Variants in FRMD4A observed in about 807,000 individuals in gnomAD.
FRMD4A encodes the protein FERM domain containing 4A, also known as FERM domain-containing protein 4A.
A neutral mutation model predicts 129.1 loss-of-function variants in FRMD4A; 29 were observed. The ratio of observed to expected loss-of-function variants is 0.22; its 90% confidence interval spans 0.17 to 0.31. FRMD4A has a LOEUF of 0.31. Among genes scored for constraint, FRMD4A ranks in the 10% least tolerant of loss-of-function variants. The pLI, the probability that FRMD4A is intolerant of heterozygous loss-of-function variation, is 1.00. For missense variants in FRMD4A, 1,272 were observed against 1,375.8 expected, an observed-to-expected ratio of 0.92 and a Z score of 1.19; for synonymous variants, 634 against 571.6, an observed-to-expected ratio of 1.11 and a Z score of -1.56.
chr10:13,925,412 G>T (rs2131269669), intron 2 of FRMD4A, among the ~76,000 whole-genome samples: 1 of 152,168 alleles, frequency 6.6e-6, no homozygotes, highest in South Asian at 2.1e-4. Flanking sequence ...TTTATCTTCT[G>T]TTCTTGGTCA....
intron 2 of FRMD4A, among the ~76,000 whole-genome samples, chr10:14,170,304 A>C (rs1841409773): frequency 6.6e-6 from 1 of 152,228 alleles, no homozygotes; most frequent in Admixed American, 6.5e-5. Flanking sequence ...ACAAAAGAGC[A>C]GGACTCGCCG....
chr10:14,048,812 AAATAG>A (rs1834103106), intron 2 of FRMD4A, among the ~76,000 whole-genome samples: 1 of 134,386 alleles, frequency 7.4e-6, no homozygotes, highest in Non-Finnish European at 1.5e-5. Context: ...GTCTCAAATA[AAATAG>A]AATAGATTAG....
At chr10:13,916,323 C>A (rs991620938) in intron 2 of FRMD4A, among the ~76,000 whole-genome samples, 1 of 152,220 alleles carries the variant, frequency 6.6e-6, no homozygotes, top group Non-Finnish European at 1.5e-5. Context: ...GGTCCTCACA[C>A]TCCGAGGATC....
chr10:14,041,067 A>C (rs1833760319), intron 2 of FRMD4A, among the ~76,000 whole-genome samples: 1 of 152,254 alleles, frequency 6.6e-6, no homozygotes, highest in Admixed American at 6.5e-5. Flanking sequence ...GACTTATTTT[A>C]TCATAATGAA....
At position 14,286,387 on chromosome 10, in the gene FRMD4A, T is replaced by A. The variant is rs574256921; in HGVS notation, c.45+43671A>T. Among the ~76,000 whole-genome samples the A allele has an allele frequency of 9.5e-4, 145 of 152,340 alleles. 1 individual carries two copies. Among genetic ancestry groups the A allele is most frequent in the Non-Finnish European group, 1.8e-3 (125 of 68,036 alleles). On this transcript the variant is annotated intron_variant, in intron 2 of 24. Coordinates refer to ENST00000357447, the MANE Select transcript of FRMD4A (RefSeq NM_018027.5). Reference sequence around the variant, plus strand: ...CAGCAATATTGCCAAACCTCCTGGCTGAGTGAACTTCTGCAACTTGACCTC... The same window carrying A: ...CAGCAATATTGCCAAACCTCCTGGCAGAGTGAACTTCTGCAACTTGACCTC...
chr10:13,659,122 C>G (rs897074740), intron 21 of FRMD4A, among the ~76,000 whole-genome samples: 4 of 152,166 alleles, frequency 2.6e-5, no homozygotes, highest in African/African-American at 4.8e-5. Context: ...GATTCTTTGG[C>G]TGACTCCAAG....
At chr10:14,250,777 G>A (rs76114868) in intron 2 of FRMD4A, among the ~76,000 whole-genome samples, 1 of 152,148 alleles carries the variant, frequency 6.6e-6, no homozygotes, top group African/African-American at 2.4e-5. Context: ...CATGGGCACA[G>A]TGAGCAGAGA....
intron 2 of FRMD4A, among the ~76,000 whole-genome samples, chr10:14,121,927 T>C (rs555867170): frequency 1.3e-5 from 2 of 152,298 alleles, no homozygotes; most frequent in East Asian, 3.9e-4. Flanking sequence ...AGTGATGGTG[T>C]TCACATGAGA....
intron 2 of FRMD4A, among the ~76,000 whole-genome samples, chr10:13,964,358 A>G (rs2095469492): frequency 6.6e-6 from 1 of 152,058 alleles, no homozygotes; most frequent in Admixed American, 6.6e-5. Flanking sequence ...GTGTTTTACA[A>G]CTTTGGGGCC....
chr10:13,782,072 A>C (rs1425489634), intron 6 of FRMD4A, among the ~76,000 whole-genome samples: 23 of 152,228 alleles, frequency 1.5e-4, no homozygotes, highest in Non-Finnish European at 8.8e-5. Flanking sequence ...CCTGTTCCCC[A>C]AAAACCTATG....
At chr10:14,056,517 AT>A (rs371194755) in intron 2 of FRMD4A, among the ~76,000 whole-genome samples, 2 of 151,416 alleles carry the variant, frequency 1.3e-5, no homozygotes, top group Non-Finnish European at 2.9e-5. Context: ...TTCTAACTAT[AT>A]TTTTTTGTAC....
intron 2 of FRMD4A, among the ~76,000 whole-genome samples, chr10:14,035,869 C>G (rs940007729): frequency 1.3e-5 from 2 of 152,028 alleles, no homozygotes; most frequent in African/African-American, 4.8e-5. Context: ...CTTCTCTGAC[C>G]ATCTCAATGC....
At chr10:14,075,047 G>A (rs1380394366) in intron 2 of FRMD4A, among the ~76,000 whole-genome samples, 2 of 152,156 alleles carry the variant, frequency 1.3e-5, no homozygotes, top group African/African-American at 4.8e-5. Context: ...AAAAAAGCAA[G>A]CAAACTATGG....
At chr10:13,816,414 T>C (rs1483293236) in intron 3 of FRMD4A, among the ~76,000 whole-genome samples, 2 of 152,202 alleles carry the variant, frequency 1.3e-5, no homozygotes, top group Admixed American at 6.5e-5. Context: ...GAAATACACA[T>C]CATTGTTTCA....
Position 13,740,212 on chromosome 10 carries a change from A to T in FRMD4A, c.654T>A (p.Val218=). ...SIVESLPTYG[V]HYYAVKDKQG... ...TACTCACCTTCACTGCATAATAGTGAACCCCGTAGGTTGGGAGAGACTCCA... is the reference window on the plus strand; with the variant it reads ...TACTCACCTTCACTGCATAATAGTGTACCCCGTAGGTTGGGAGAGACTCCA... The change falls in exon 11 of 25, where the codon GTT becomes GTA. Residue 218 remains valine (V), a synonymous_variant. Transcript: ENST00000357447. 1 of 1,607,844 alleles carries T rather than the reference A, an allele frequency of 6.2e-7. No homozygotes were observed. Among genetic ancestry groups the T allele is most frequent in the Non-Finnish European group, 8.5e-7 (1 of 1,174,238 alleles).
At position 13,698,103 on chromosome 10, in the gene FRMD4A, A is replaced by G. The variant is rs77106550; in HGVS notation, c.975+3237T>C. On this transcript the variant is annotated intron_variant, in intron 14 of 24. Coordinates refer to ENST00000357447, the MANE Select transcript of FRMD4A (RefSeq NM_018027.5). ...AGAGCTGATGGAGGGAGGGAGGGAG[A>G]GACAGGCAGAGAGAAAGAAGGAGAG... is the stretch of plus-strand genomic sequence containing the variant. 1.2e-3 allele frequency among the ~76,000 whole-genome samples: 91 copies of G among 74,818 alleles called. No homozygotes were observed. In the East Asian group the frequency reaches 0.031, roughly 25 times the overall value. The allele number at this position is 74,818 out of a possible 152,430, so 49.1% of individuals were successfully genotyped here. A position where few individuals can be genotyped will look rare whatever the true frequency, so the allele number is the denominator to read the frequency against.
intron 12 of FRMD4A, among the ~76,000 whole-genome samples, chr10:13,721,469 GA>G (rs1219082240): frequency 3.4e-5 from 5 of 149,050 alleles, no homozygotes; most frequent in Non-Finnish European, 6.0e-5. Context: ...ATGATAAAGT[GA>G]AACTCTGCCT....
chr10:13,952,272 A>G lies in FRMD4A; in HGVS notation c.46-93360T>C, dbSNP rs538767875. ...CAGCACTTGGGGAGGCTGAGGCAGG[A>G]CAACTGTTTGAGGCCAGGAGTTCAA... On this transcript the variant is annotated intron_variant, in intron 2 of 24. Transcript: ENST00000357447. Among the ~76,000 whole-genome samples, 646 of 152,008 alleles carry G rather than the reference A, an allele frequency of 4.2e-3. 3 individuals are homozygous for G. The highest frequency in any genetic ancestry group is 0.015 in the African/African-American group (605 of 41,480).
intron 2 of FRMD4A, among the ~76,000 whole-genome samples, chr10:13,991,361 A>G (rs962844981): frequency 6.6e-6 from 1 of 152,198 alleles, no homozygotes; most frequent in Non-Finnish European, 1.5e-5. Context: ...GCATAGCTGC[A>G]GCTTGTATGA....
Sources: gnomAD v4.1 joint callset for allele counts (sites outside exome capture counted in the v4.1 genomes callset) on GRCh38, gnomAD v4.1.1 for gene constraint, MANE v1.5 for transcripts, NCBI Gene and HGNC (gene_info 2026-07-23, HGNC 2026-07-21) for gene names.